BTBD9: variants seen among roughly 807,000 people sequenced by gnomAD.
BTBD9 encodes BTB domain containing 9, also known as BTB/POZ domain-containing protein 9.
Under a neutral mutation model 64.3 loss-of-function variants are expected in BTBD9, and 49 were observed. The observed-to-expected ratio is 0.76, with a 90% CI of 0.61 to 0.97. The LOEUF (loss-of-function observed/expected upper bound fraction) is 0.97, where lower values mean the gene tolerates loss of function less well. Ranked by LOEUF, BTBD9 falls within the 50% of genes least tolerant of loss-of-function variation. BTBD9 has a pLI of 0.00. For missense variants in BTBD9, 598 were observed against 762.1 expected (o/e 0.78, Z 2.53); for synonymous variants, 260 against 274.7 (o/e 0.95, Z 0.53).
chr6:38,496,020 A>C (rs1201686852), intron 6 of BTBD9, among the ~76,000 whole-genome samples: 3 of 152,214 alleles, frequency 2.0e-5, no homozygotes, highest in Non-Finnish European at 4.4e-5. Context: ...AATTATAATA[A>C]AATACACAAC....
chr6:38,602,527 C>A (rs905935400), intron 1 of BTBD9, among the ~76,000 whole-genome samples: 4 of 151,676 alleles, frequency 2.6e-5, no homozygotes, highest in Admixed American at 2.6e-4. Context: ...GAATATAAGT[C>A]AAATTGTTAA....
chr6:38,402,846 T>C, intron 6 of BTBD9: 1 of 701,256 alleles, frequency 1.4e-6, no homozygotes, highest in East Asian at 2.7e-5. Context: ...GGAGGGAGGA[T>C]TGCTTGAGCT....
In BTBD9 at chr6:38,577,734, G is replaced by A; in HGVS notation, c.1035-15C>T. 6.3e-7 allele frequency: 1 copy of A among 1,590,624 alleles called. No homozygotes were observed. Among genetic ancestry groups the A allele is most frequent in the Admixed American group, 1.8e-5 (1 of 55,832 alleles). ...ATGAGTAAGACCTGTGAATCAAAAG[G>A]AAAAAGCAGAAAAAAATTACCACAT... On this transcript the variant is annotated splice_polypyrimidine_tract_variant and intron_variant, in intron 5 of 10. Transcript: ENST00000481247.
intron 6 of BTBD9, among the ~76,000 whole-genome samples, chr6:38,408,808 A>AAAGCAGT (rs1429772568): frequency 1.3e-5 from 2 of 152,220 alleles, no homozygotes; most frequent in Non-Finnish European, 2.9e-5. Context: ...ACTAAGGCTA[A>AAAGCAGT]AAGCAGTAGC....
intron 6 of BTBD9, among the ~76,000 whole-genome samples, chr6:38,494,941 G>A (rs1771885980): frequency 6.6e-6 from 1 of 152,148 alleles, no homozygotes; most frequent in African/African-American, 2.4e-5. Context: ...CAAGGCATCT[G>A]GGGGCATACA....
intron 1 of BTBD9, among the ~76,000 whole-genome samples, chr6:38,598,848 CGGA>C (rs1263165319): frequency 6.6e-6 from 1 of 151,954 alleles, no homozygotes; most frequent in African/African-American, 2.4e-5. Context: ...ACCCAGGAGG[CGGA>C]GGTTGCTGTG....
intron 7 of BTBD9, among the ~76,000 whole-genome samples, chr6:38,330,215 G>C (rs1413802766): frequency 6.6e-6 from 1 of 151,972 alleles, no homozygotes; most frequent in Non-Finnish European, 1.5e-5. Flanking sequence ...ACCACACCTG[G>C]CTAATTTTTG....
rs150713181 is a variant in BTBD9, at chr6:38,371,756, T to G, written c.1155-26663A>C. On this transcript the variant is annotated intron_variant, in intron 6 of 10. Coordinates refer to ENST00000481247, the MANE Select transcript of BTBD9 (RefSeq NM_001099272.2). ...CAAGGTCAGCTCACAAAATAAGGCA[T>G]GGACCCATAGTGAGTCCAATAAGTA... is the stretch of plus-strand genomic sequence containing the variant. Among the ~76,000 whole-genome samples the G allele has an allele frequency of 5.7e-3, 874 of 152,320 alleles. 9 individuals are homozygous for G. The highest frequency in any genetic ancestry group is 0.019 in the African/African-American group (807 of 41,574).
chr6:38,575,899 G>C (rs1191246063), intron 6 of BTBD9, among the ~76,000 whole-genome samples: 1 of 151,826 alleles, frequency 6.6e-6, no homozygotes, highest in Non-Finnish European at 1.5e-5. Flanking sequence ...AGGCCAGACA[G>C]GAAAGACAAA....
chr6:38,287,066 T>C (rs1025504339), intron 8 of BTBD9, among the ~76,000 whole-genome samples: 7 of 102,768 alleles, frequency 6.8e-5, no homozygotes, highest in Non-Finnish European at 8.8e-5. Context: ...TGGGTGACAA[T>C]AGTGAGGCTC....
At chr6:38,316,339 A>T (rs535015638) in intron 7 of BTBD9, among the ~76,000 whole-genome samples, 1 of 152,256 alleles carries the variant, frequency 6.6e-6, no homozygotes, top group South Asian at 2.1e-4. Context: ...TACTCCTGCC[A>T]TTTTATTATT....
chr6:38,370,830 T>C (rs888920267), intron 6 of BTBD9, among the ~76,000 whole-genome samples: 2 of 152,236 alleles, frequency 1.3e-5, no homozygotes, highest in African/African-American at 4.8e-5. Flanking sequence ...CACGGAGTCA[T>C]GGGTTTCCCT....
At chr6:38,255,756 T>C (rs1764553560) in intron 9 of BTBD9, among the ~76,000 whole-genome samples, 1 of 152,154 alleles carries the variant, frequency 6.6e-6, no homozygotes, top group African/African-American at 2.4e-5. Flanking sequence ...GTGTGGGGAA[T>C]AGGATAGAGC....
At chr6:38,547,958 T>G (rs1400932406) in intron 6 of BTBD9, among the ~76,000 whole-genome samples, 1 of 152,234 alleles carries the variant, frequency 6.6e-6, no homozygotes, top group Non-Finnish European at 1.5e-5. Flanking sequence ...TGAATGAAGT[T>G]TCTTTTCCAT....
At chr6:38,493,683 T>C (rs1191432199) in intron 6 of BTBD9, among the ~76,000 whole-genome samples, 3 of 152,196 alleles carry the variant, frequency 2.0e-5, no homozygotes, top group African/African-American at 7.2e-5. Flanking sequence ...TTTGGTACAC[T>C]GAAATCAAAT....
At chr6:38,265,590 T>C (rs915715178) in intron 8 of BTBD9, among the ~76,000 whole-genome samples, 4 of 151,356 alleles carry the variant, frequency 2.6e-5, no homozygotes, top group Non-Finnish European at 4.4e-5. Context: ...CAACCTCTGC[T>C]CACTGCAACC....
chr6:38,294,062 G>A (rs1762070214), intron 7 of BTBD9, among the ~76,000 whole-genome samples: 2 of 152,068 alleles, frequency 1.3e-5, no homozygotes, highest in Non-Finnish European at 2.9e-5. Context: ...ACAAACGTAT[G>A]AAAAAAAGCT....
chr6:38,312,584 G>A (rs1262306634), intron 7 of BTBD9, among the ~76,000 whole-genome samples: 1 of 152,182 alleles, frequency 6.6e-6, no homozygotes, highest in Admixed American at 6.5e-5. Flanking sequence ...ATTTGTATAT[G>A]GAGAGGGAGA....
At position 38,340,185 on chromosome 6, in the gene BTBD9, T is replaced by C. The variant is rs143749216; in HGVS notation, c.1264+4799A>G. 4.8e-3 allele frequency among the ~76,000 whole-genome samples: 724 copies of C among 152,344 alleles called. 9 individuals are homozygous for C. Among genetic ancestry groups the C allele is most frequent in the African/African-American group, 0.016 (669 of 41,580 alleles). On this transcript the variant is annotated intron_variant, in intron 7 of 10. Transcript: ENST00000481247. Reference sequence around the variant, plus strand: ...TATGTCATATAAATAATTAAGTGTATGTGCACGTATTTCCTAGTTCTGTCT... The same window carrying C: ...TATGTCATATAAATAATTAAGTGTACGTGCACGTATTTCCTAGTTCTGTCT...
Sources: gnomAD v4.1 joint callset for allele counts (sites outside exome capture counted in the v4.1 genomes callset) on GRCh38, gnomAD v4.1.1 for gene constraint, MANE v1.5 for transcripts, NCBI Gene and HGNC (gene_info 2026-07-23, HGNC 2026-07-21) for gene names.